ICA1: variants seen among roughly 807,000 people sequenced by gnomAD.
ICA1 encodes the protein 69 kDa islet cell autoantigen.
A neutral mutation model predicts 71.0 loss-of-function variants in ICA1; 40 were observed. The ratio of observed to expected loss-of-function variants is 0.56; its 90% CI spans 0.44 to 0.73. ICA1 has a LOEUF of 0.73. Among genes scored for constraint, ICA1 ranks in the 30% least tolerant of loss-of-function variants. ICA1 has a pLI of 0.00. For missense variants in ICA1, 578 were observed against 576.5 expected, an observed-to-expected ratio of 1.00 and a Z score of -0.03; for synonymous variants, 207 against 209.5, an observed-to-expected ratio of 0.99 and a Z score of 0.10.
intron 6 of ICA1, among the ~76,000 whole-genome samples, chr7:8,182,405 C>T (rs939330020): frequency 2.0e-5 from 3 of 152,180 alleles, no homozygotes; most frequent in Non-Finnish European, 4.4e-5. Context: ...TGCATAGTGC[C>T]TAACACATTT....
chr7:8,221,544 TC>T (rs1797076671), intron 4 of ICA1, 146 bp from the exon 5 acceptor site: 4 of 821,810 alleles, frequency 4.9e-6, no homozygotes, highest in Admixed American at 5.2e-5. Flanking sequence ...CAGGGTAAGC[TC>T]CCCCTACCCC....
At chr7:8,246,186 G>A (rs990325382) in intron 1 of ICA1, among the ~76,000 whole-genome samples, 2 of 152,174 alleles carry the variant, frequency 1.3e-5, no homozygotes, top group East Asian at 1.9e-4. Flanking sequence ...GTAACAAGAT[G>A]CTGATGGACT....
At chr7:8,178,488 C>G (rs187239254) in intron 6 of ICA1, among the ~76,000 whole-genome samples, 60 of 151,944 alleles carry the variant, frequency 3.9e-4, no homozygotes, top group African/African-American at 1.4e-3. Context: ...TAACCTGCTG[C>G]ACAGAAATAT....
chr7:8,171,340 G>A (rs1808267471), intron 6 of ICA1, among the ~76,000 whole-genome samples: 1 of 151,894 alleles, frequency 6.6e-6, no homozygotes, highest in Admixed American at 6.6e-5. Context: ...GGGCTACCAT[G>A]TTATTTATTT....
rs1788004061 is a variant in ICA1, at chr7:8,123,906, A to G, written c.1330+3967T>C. Among the ~76,000 whole-genome samples the G allele has an allele frequency of 6.6e-6, 1 of 152,182 alleles. No homozygotes were observed. Reference sequence around the variant, plus strand: ...CGGCCTGCCCGTTAACAGGAGTGTGATCTTGGGCACATCACTTAACCACTG... The same window carrying G: ...CGGCCTGCCCGTTAACAGGAGTGTGGTCTTGGGCACATCACTTAACCACTG... On this transcript the variant is annotated intron_variant, in intron 13 of 13. Coordinates refer to ENST00000402384, the MANE Select transcript of ICA1 (RefSeq NM_001136020.3). This position sits in a 1 kb window ranked among gnomAD's most constrained non-coding sequence, Gnocchi z 4.1.
At chr7:8,197,320 C>G (rs987019603) in intron 6 of ICA1, among the ~76,000 whole-genome samples, 1 of 151,254 alleles carries the variant, frequency 6.6e-6, no homozygotes, top group Non-Finnish European at 1.5e-5. Flanking sequence ...TTTGGGAGGC[C>G]GAAGCGGGCG....
chr7:8,256,014 A>G (rs537679242), intron 1 of ICA1, among the ~76,000 whole-genome samples: 1 of 152,242 alleles, frequency 6.6e-6, no homozygotes, highest in East Asian at 1.9e-4. Context: ...AGTTCAAGCA[A>G]TCCTCTTGCC....
At chr7:8,148,642 T>C (rs1797828254) in intron 8 of ICA1, among the ~76,000 whole-genome samples, 1 of 152,224 alleles carries the variant, frequency 6.6e-6, no homozygotes, top group South Asian at 2.1e-4. Flanking sequence ...GAGGACATAC[T>C]GTATTCACAG....
In ICA1 at chr7:8,113,817, A is replaced by G. The variant is rs1027362677; in HGVS notation, c.*106T>C. The G allele has an allele frequency of 3.3e-6, 4 of 1,207,730 alleles. No homozygotes were observed. Among genetic ancestry groups the G allele is most frequent in the Admixed American group, 3.7e-5 (2 of 53,450 alleles). The allele number at this position is 1,207,730 out of a possible 1,614,324, so 74.8% of individuals were successfully genotyped here. A position where few individuals can be genotyped will look rare whatever the true frequency, so the allele number is the denominator to read the frequency against. Reference sequence around the variant, plus strand: ...CCGTTGACCCTTTCATTTTATTAAAATGGCACATAATTATTAAAACAGCAT... The same window carrying G: ...CCGTTGACCCTTTCATTTTATTAAAGTGGCACATAATTATTAAAACAGCAT... On this transcript the variant is annotated 3_prime_UTR_variant, in exon 14 of 14. Coordinates refer to ENST00000402384, the MANE Select transcript of ICA1 (RefSeq NM_001136020.3). The surrounding 1 kb of genome is among the most constrained non-coding windows in gnomAD (Gnocchi z 4.2).
chr7:8,164,088 C>T (rs544692462), intron 6 of ICA1, among the ~76,000 whole-genome samples: 22 of 151,866 alleles, frequency 1.4e-4, no homozygotes, highest in African/African-American at 5.1e-4. Context: ...GCGGATCACC[C>T]GAGGTCAGGA....
At chr7:8,220,038 A>C (rs528195667) in intron 5 of ICA1, among the ~76,000 whole-genome samples, 7 of 152,174 alleles carry the variant, frequency 4.6e-5, no homozygotes, top group Non-Finnish European at 8.8e-5. Context: ...ATTAGTAAAA[A>C]TTTTAGTTGC....
rs1418990496 is a variant in ICA1 at position 8,157,123 on chromosome 7, G to A, written c.797C>T (p.Thr266Ile). 7 of 1,613,954 alleles carry A rather than the reference G, an allele frequency of 4.3e-6. No individual in the cohort carries two copies. The highest frequency in any genetic ancestry group is 1.1e-5 in the South Asian group (1 of 91,072). The change falls in exon 8 of 14, where the codon ACT (threonine) becomes ATT (isoleucine). Residue 266 changes from threonine to isoleucine, a missense_variant. By Grantham distance (89) the Thr-to-Ile change is moderately conservative. Transcript: ENST00000402384. ...CCCCTCTAGCTTCCATACCTTTAAAGTAGTAAATTCATATGGTTGATAACC... is the reference window on the plus strand; with the variant it reads ...CCCCTCTAGCTTCCATACCTTTAAAATAGTAAATTCATATGGTTGATAACC... ...FKGYQPYEFTTLKSLQDPMKK... is the reference protein window; with the variant it reads ...FKGYQPYEFTILKSLQDPMKK...
At position 8,166,801 on chromosome 7, in the gene ICA1, A is replaced by C. The variant is rs560721145; in HGVS notation, c.580-8149T>G. 2.0e-5 allele frequency among the ~76,000 whole-genome samples: 3 copies of C among 152,276 alleles called. No homozygotes were observed. The South Asian group carries it at 6.2e-4, about 32-fold the overall frequency. ...AACTTAAATTTACAAGCAAAAAACAAACCACTTGATTAAAAAACAGGCCAA... is the reference window on the plus strand; with the variant it reads ...AACTTAAATTTACAAGCAAAAAACACACCACTTGATTAAAAAACAGGCCAA... On this transcript the variant is annotated intron_variant, in intron 6 of 13. Transcript: ENST00000402384.
intron 6 of ICA1, among the ~76,000 whole-genome samples, chr7:8,179,758 T>C (rs1443469153): frequency 6.6e-6 from 1 of 151,940 alleles, no homozygotes; most frequent in East Asian, 1.9e-4. Flanking sequence ...GGAGAACTTT[T>C]TTTTTTCCCA....
At chr7:8,177,091 C>T (rs140554175) in intron 6 of ICA1, among the ~76,000 whole-genome samples, 92 of 152,276 alleles carry the variant, frequency 6.0e-4, no homozygotes, top group Admixed American at 1.0e-3. Flanking sequence ...CTAATGCATA[C>T]AAAATTTGAT....
intron 8 of ICA1, among the ~76,000 whole-genome samples, chr7:8,149,977 T>C (rs959366898): frequency 6.6e-6 from 1 of 152,228 alleles, no homozygotes; most frequent in Non-Finnish European, 1.5e-5. Flanking sequence ...CTTACAAATT[T>C]ATAAAGACAC....
At chr7:8,151,186 C>T (rs1424607916) in intron 8 of ICA1, among the ~76,000 whole-genome samples, 2 of 152,230 alleles carry the variant, frequency 1.3e-5, no homozygotes, top group Non-Finnish European at 2.9e-5. Flanking sequence ...CCCAGACAAC[C>T]TACCCACACA....
chr7:8,169,901 A>AGTGTGTGTGT (rs58794085), intron 6 of ICA1, among the ~76,000 whole-genome samples: 7,755 of 147,088 alleles, frequency 0.053, 254 homozygotes, highest in African/African-American at 0.08. Flanking sequence ...TTAATGCCTG[A>AGTGTGTGTGT]GTGTGTGTGT....
chr7:8,156,763 A>C lies in ICA1; in HGVS notation c.804+353T>G, dbSNP rs115917612. 1.5e-3 allele frequency: 2,097 copies of C among 1,399,496 alleles called. 23 individuals are homozygous for C. The African/African-American group carries it at 0.027, about 18-fold the overall frequency. The allele number at this position is 1,399,496 out of a possible 1,614,324, so 86.7% of individuals were successfully genotyped here. A position where few individuals can be genotyped will look rare whatever the true frequency, so the allele number is the denominator to read the frequency against. On this transcript the variant is annotated intron_variant, in intron 8 of 13. Transcript: ENST00000402384. ...GTAACTGAGTTTATGGGACTTGTAC[A>C]ATCTCCCCTTTAGCAATGTCAAACA...
Sources: allele counts gnomAD v4.1 joint callset (sites outside exome capture counted in the v4.1 genomes callset), GRCh38; gene constraint gnomAD v4.1.1; non-coding constraint Gnocchi (gnomAD v3.1); transcripts MANE v1.5; gene names NCBI Gene and HGNC (gene_info 2026-07-23, HGNC 2026-07-21).